Variants in ANTXR2 observed in about 807,000 individuals in gnomAD.
ANTXR2 encodes the protein ANTXR cell adhesion molecule 2.
In ANTXR2, 44 loss-of-function variants were observed where a neutral mutation model predicts 73.7. The ratio of observed to expected loss-of-function variants is 0.60; its 90% CI spans 0.47 to 0.77. The LOEUF is 0.77. Ranked by LOEUF, ANTXR2 falls within the 30% of genes least tolerant of loss-of-function variation. The pLI, the probability that ANTXR2 is intolerant of heterozygous loss-of-function variation, is 0.00. For synonymous variants in ANTXR2, 217 were observed against 205.9 expected, an observed-to-expected ratio of 1.05 and a Z score of -0.46; for missense variants, 604 against 592.5, an observed-to-expected ratio of 1.02 and a Z score of -0.20.
At chr4:79,937,732 G>A (rs1418612996) in intron 16 of ANTXR2, among the ~76,000 whole-genome samples, 5 of 152,138 alleles carry the variant, frequency 3.3e-5, no homozygotes, top group Non-Finnish European at 7.3e-5. Context: ...AGCCAAGATG[G>A]CCGAATAGGA....
intron 7 of ANTXR2, among the ~76,000 whole-genome samples, chr4:80,052,483 G>T (rs574792797): frequency 1.3e-5 from 2 of 151,692 alleles, no homozygotes; most frequent in Non-Finnish European, 3.0e-5. Flanking sequence ...ATCAAACCAG[G>T]TTTGGTTGTA....
In ANTXR2 at chr4:79,902,340, C is replaced by T. The variant is rs750567886; in HGVS notation, c.*5089G>A. On this transcript the variant is annotated 3_prime_UTR_variant, in exon 17 of 17. Transcript: ENST00000403729. ...TTTTAAGCTGTGTTCAAATTACTTA[C>T]TTAGTAAAGTATTTTCCACTGAATA... The T allele has an allele frequency of 1.3e-5, 2 of 152,122 alleles. No individual in the cohort carries two copies. The highest frequency in any genetic ancestry group is 2.9e-5 in the Non-Finnish European group (2 of 68,026). 9.4% of individuals were successfully genotyped at this position (152,122 alleles called of 1,614,324 possible).
intron 16 of ANTXR2, among the ~76,000 whole-genome samples, chr4:79,943,713 T>C (rs1728402708): frequency 1.4e-5 from 2 of 142,398 alleles, no homozygotes; most frequent in South Asian, 5.2e-4. Flanking sequence ...TGTGCACATG[T>C]ACCCTAAAAC....
chr4:80,014,861 A>G (rs1731767061), intron 11 of ANTXR2, among the ~76,000 whole-genome samples: 2 of 152,186 alleles, frequency 1.3e-5, no homozygotes. Flanking sequence ...TCCTTTAGGT[A>G]AGGTCAATTA....
intron 16 of ANTXR2, among the ~76,000 whole-genome samples, chr4:79,959,847 A>G (rs191198157): frequency 3.9e-5 from 6 of 152,338 alleles, no homozygotes; most frequent in Admixed American, 3.9e-4. Flanking sequence ...GGAAGGTCGC[A>G]TTGTCTAAGA....
chr4:79,903,351 T>C lies in ANTXR2; in HGVS notation c.*4078A>G, dbSNP rs1395969814. 2 of 91,500 alleles carry C rather than the reference T, an allele frequency of 2.2e-5. No individual in the cohort carries two copies. Among genetic ancestry groups the C allele is most frequent in the African/African-American group, 7.1e-5 (2 of 28,308 alleles). 5.7% of individuals were successfully genotyped at this position (91,500 alleles called of 1,614,324 possible). On this transcript the variant is annotated 3_prime_UTR_variant, in exon 17 of 17. Transcript: ENST00000403729. ...ACATTGAGTCAATTCTCCCTCTGTT[T>C]CTCTCTCTCTCTCTCTCTCTCACAC... is the stretch of plus-strand genomic sequence containing the variant.
intron 16 of ANTXR2, among the ~76,000 whole-genome samples, chr4:79,945,864 A>T (rs1019796403): frequency 6.6e-6 from 1 of 152,182 alleles, no homozygotes; most frequent in Admixed American, 6.5e-5. Flanking sequence ...TGCTCACTGA[A>T]TAATGGTCCT....
chr4:79,926,976 T>TACACATGTGCATATATGTATATATAC (rs1553925982), intron 16 of ANTXR2, among the ~76,000 whole-genome samples: 2 of 90,594 alleles, frequency 2.2e-5, no homozygotes, highest in African/African-American at 1.2e-4. Flanking sequence ...TGTGTATATA[T>TACACATGTGCATATATGTATATATAC]ACGTGTGCAT....
intron 11 of ANTXR2, among the ~76,000 whole-genome samples, chr4:80,009,568 G>T (rs1403261124): frequency 6.6e-6 from 1 of 152,108 alleles, no homozygotes; most frequent in Non-Finnish European, 1.5e-5. Flanking sequence ...TACTTACTGA[G>T]GCCGGGCACA....
At chr4:80,069,575 A>C in intron 2 of ANTXR2, 68 bp from the exon 3 acceptor site, 3 of 1,238,032 alleles carry the variant, frequency 2.4e-6, no homozygotes, top group Non-Finnish European at 3.4e-6. Flanking sequence ...ACAGATGTAT[A>C]GTTAGGGAGG....
At chr4:79,994,434 G>A (rs1730629195) in intron 12 of ANTXR2, among the ~76,000 whole-genome samples, 2 of 151,860 alleles carry the variant, frequency 1.3e-5, no homozygotes, top group Non-Finnish European at 2.9e-5. Flanking sequence ...AAAGGTCAAG[G>A]TACATCCTTC....
At chr4:80,044,367 T>C (rs1240730892) in intron 7 of ANTXR2, among the ~76,000 whole-genome samples, 1 of 151,916 alleles carries the variant, frequency 6.6e-6, no homozygotes, top group Non-Finnish European at 1.5e-5. Flanking sequence ...GTAGGACACA[T>C]AAGAGGTAAT....
chr4:79,946,740 A>C (rs1190155215), intron 16 of ANTXR2, among the ~76,000 whole-genome samples: 1 of 152,196 alleles, frequency 6.6e-6, no homozygotes, highest in Non-Finnish European at 1.5e-5. Context: ...TACATTTATA[A>C]GAAAAACACG....
At chr4:80,036,581 A>T (rs60813089) in intron 7 of ANTXR2, among the ~76,000 whole-genome samples, 30,159 of 151,900 alleles carry the variant, frequency 0.2, 3,768 homozygotes, top group East Asian at 0.64. Flanking sequence ...CAGAGGGATC[A>T]CTTGGGGTCA....
At chr4:79,930,568 T>C (rs1361480325) in intron 16 of ANTXR2, among the ~76,000 whole-genome samples, 3 of 152,222 alleles carry the variant, frequency 2.0e-5, no homozygotes, top group Admixed American at 1.3e-4. Context: ...TGTCAGGGCA[T>C]ACTGGGGAAT....
intron 12 of ANTXR2, among the ~76,000 whole-genome samples, chr4:80,000,807 T>G (rs1048693578): frequency 1.3e-5 from 2 of 152,048 alleles, no homozygotes; most frequent in Non-Finnish European, 2.9e-5. Context: ...ATTAGTCAAA[T>G]GTTCAAATTC....
intron 15 of ANTXR2, 133 bp downstream of exon 15, chr4:79,977,874 G>C: frequency 8.2e-7 from 1 of 1,221,320 alleles, no homozygotes; most frequent in Non-Finnish European, 1.1e-6. Context: ...AAAGTATTCA[G>C]CTGTTAAGAG....
At chr4:79,935,468 G>C (rs11098948) in intron 16 of ANTXR2, among the ~76,000 whole-genome samples, 83,362 of 151,598 alleles carry the variant, frequency 0.55, 25,937 homozygotes, top group East Asian at 0.96. Context: ...ACTGTCTAGA[G>C]AAACATACTG....
intron 11 of ANTXR2, among the ~76,000 whole-genome samples, chr4:80,013,542 C>T (rs1321448370): frequency 3.3e-5 from 5 of 152,218 alleles, no homozygotes; most frequent in African/African-American, 1.2e-4. Flanking sequence ...CTTTGTTTGG[C>T]TTTCAAATGC....
Sources: gnomAD v4.1 joint callset for allele counts (sites outside exome capture counted in the v4.1 genomes callset) on GRCh38, gnomAD v4.1.1 for gene constraint, MANE v1.5 for transcripts, NCBI Gene and HGNC (gene_info 2026-07-23, HGNC 2026-07-21) for gene names.